The following GRK5 variants were observed in gnomAD, a reference collection of about 807,000 sequenced individuals.
GRK5 encodes G protein-coupled receptor kinase 5, also known as g protein-coupled receptor kinase GRK5.
GRK5 carries 40 observed loss-of-function variants against 78.4 expected under a neutral mutation model. The ratio of observed to expected loss-of-function variants is 0.51; its 90% CI spans 0.40 to 0.66. The LOEUF is 0.66. Ranked by LOEUF, GRK5 falls within the 30% of genes least tolerant of loss-of-function variation. GRK5 has a pLI of 0.00. For missense variants in GRK5, 598 were observed against 759.9 expected (o/e 0.79, Z 2.50); for synonymous variants, 289 against 296.8 (o/e 0.97, Z 0.27).
At chr10:119,428,208 A>G (rs956795426) in intron 6 of GRK5, among the ~76,000 whole-genome samples, 3 of 152,240 alleles carry the variant, frequency 2.0e-5, no homozygotes, top group South Asian at 2.1e-4. Flanking sequence ...GATACAGAGC[A>G]TGGGCTGCCT....
intron 4 of GRK5, among the ~76,000 whole-genome samples, chr10:119,421,537 T>C (rs1472713949): frequency 1.3e-5 from 2 of 152,196 alleles, no homozygotes; most frequent in East Asian, 1.9e-4. Flanking sequence ...TCTGCAAAAG[T>C]TGTGACCCGT....
At chr10:119,282,960 T>C (rs76581632) in intron 1 of GRK5, among the ~76,000 whole-genome samples, 3,889 of 152,316 alleles carry the variant, frequency 0.026, 75 homozygotes, top group Admixed American at 0.055. Flanking sequence ...CTCTAGGCCC[T>C]GAGTTACTGT....
In GRK5 at chr10:119,448,083, A is replaced by G. The variant is rs1433328261; in HGVS notation, c.1267-40A>G. 5 of 1,496,340 alleles carry G rather than the reference A, an allele frequency of 3.3e-6. No homozygotes were observed. In the African/African-American group the frequency reaches 7.3e-5, roughly 22 times the overall value. 92.7% of individuals were successfully genotyped at this position (1,496,340 alleles called of 1,614,324 possible). A position where few individuals can be genotyped will look rare whatever the true frequency, so the allele number is the denominator to read the frequency against. On this transcript the variant is annotated intron_variant, in intron 12 of 15. Transcript: ENST00000392870. Reference sequence around the variant, plus strand: ...AGGCAGGAGGTCCGGACAGGAGGAGAGGCCCAGGGGACGTGGCTTCATGGG... The same window carrying G: ...AGGCAGGAGGTCCGGACAGGAGGAGGGGCCCAGGGGACGTGGCTTCATGGG...
At chr10:119,326,049 A>G (rs1850672108) in intron 1 of GRK5, among the ~76,000 whole-genome samples, 1 of 152,184 alleles carries the variant, frequency 6.6e-6, no homozygotes, top group African/African-American at 2.4e-5. Flanking sequence ...GTCCCCCAAC[A>G]TCTAGCCTCC....
chr10:119,207,741 T>G lies in GRK5; in HGVS notation c.-177T>G. 1 of 589,776 alleles carries G rather than the reference T, an allele frequency of 1.7e-6. No homozygotes were observed. The highest frequency in any genetic ancestry group is 2.8e-6 in the Non-Finnish European group (1 of 353,308). The allele number at this position is 589,776 out of a possible 1,614,324, so 36.5% of individuals were successfully genotyped here. On this transcript the variant is annotated 5_prime_UTR_variant, in exon 1 of 16. Transcript: ENST00000392870. ...CGGCGGCGGCGGCGGCGGCTCCTCT[T>G]TGCAGAGGGGGAAACTCTTGGGCTG... is the stretch of plus-strand genomic sequence containing the variant.
chr10:119,413,901 C>T (rs537279191), intron 4 of GRK5, among the ~76,000 whole-genome samples: 7 of 152,354 alleles, frequency 4.6e-5, no homozygotes, highest in Non-Finnish European at 5.9e-5. Context: ...CCCCTGCCCC[C>T]GCCCAGGCCA....
At chr10:119,290,783 C>T (rs780485006) in intron 1 of GRK5, among the ~76,000 whole-genome samples, 2 of 152,014 alleles carry the variant, frequency 1.3e-5, no homozygotes, top group Non-Finnish European at 2.9e-5. Flanking sequence ...TGTGTGTAGC[C>T]TTCTGCTCAC....
chr10:119,438,639 C>T (rs1250632118), intron 9 of GRK5, among the ~76,000 whole-genome samples: 2 of 152,092 alleles, frequency 1.3e-5, no homozygotes, highest in African/African-American at 2.4e-5. Context: ...CGTCTTCTTC[C>T]GGGGGAAAGA....
intron 2 of GRK5, among the ~76,000 whole-genome samples, chr10:119,352,689 C>A (rs915048097): frequency 7.9e-5 from 12 of 151,632 alleles, no homozygotes; most frequent in Non-Finnish European, 1.8e-4. Context: ...GTCACCTGCC[C>A]AAGGCAGCCC....
chr10:119,416,597 T>A (rs942974529), intron 4 of GRK5, among the ~76,000 whole-genome samples: 90 of 152,044 alleles, frequency 5.9e-4, no homozygotes. Context: ...CTCTTTTTTT[T>A]TTTTTTAATT....
At chr10:119,442,893 G>A (rs1853066085) in intron 11 of GRK5, among the ~76,000 whole-genome samples, 1 of 152,174 alleles carries the variant, frequency 6.6e-6, no homozygotes, top group Non-Finnish European at 1.5e-5. Flanking sequence ...TAGGCGGGTG[G>A]GCGGGTGGAT....
chr10:119,377,501 G>A (rs779610193), intron 2 of GRK5, among the ~76,000 whole-genome samples: 1 of 152,172 alleles, frequency 6.6e-6, no homozygotes, highest in Non-Finnish European at 1.5e-5. Context: ...GATTTGAGGT[G>A]AAGAAAGAAA....
At position 119,392,827 on chromosome 10, in the gene GRK5, G is replaced by C. The variant is rs556478909; in HGVS notation, c.262-3868G>C. ...GATGGAGGTCACGAGGGCACTCTTT[G>C]CATACAGTTTACCTTTCTTTTCATT... is the stretch of plus-strand genomic sequence containing the variant. On this transcript the variant is annotated intron_variant, in intron 3 of 15. Transcript: ENST00000392870. Among the ~76,000 whole-genome samples, 4 of 152,340 alleles carry C rather than the reference G, an allele frequency of 2.6e-5. No individual in the cohort carries two copies. The South Asian group carries it at 8.3e-4, about 32-fold the overall frequency.
At chr10:119,447,024 G>A (rs529702405) in intron 12 of GRK5, among the ~76,000 whole-genome samples, 47 of 152,362 alleles carry the variant, frequency 3.1e-4, no homozygotes, top group Non-Finnish European at 5.4e-4. Context: ...CACCAACTGC[G>A]TACAGCTGCA....
At chr10:119,359,566 G>GGGAC (rs2133807526) in intron 2 of GRK5, among the ~76,000 whole-genome samples, 1 of 152,310 alleles carries the variant, frequency 6.6e-6, no homozygotes, top group African/African-American at 2.4e-5. Context: ...ACCTGCAGAG[G>GGGAC]GGACCACTGC....
At chr10:119,262,496 A>G (rs1381021680) in intron 1 of GRK5, among the ~76,000 whole-genome samples, 2 of 151,250 alleles carry the variant, frequency 1.3e-5, no homozygotes, top group East Asian at 1.9e-4. Flanking sequence ...GCGCCACCAC[A>G]CCCAGCTAAT....
intron 1 of GRK5, among the ~76,000 whole-genome samples, chr10:119,246,811 C>T (rs565978251): frequency 6.6e-6 from 1 of 152,332 alleles, no homozygotes; most frequent in South Asian, 2.1e-4. Context: ...TGAAAACCTT[C>T]ACTGTTTGGT....
At chr10:119,297,716 C>T (rs1156674924) in intron 1 of GRK5, among the ~76,000 whole-genome samples, 1 of 152,212 alleles carries the variant, frequency 6.6e-6, no homozygotes, top group African/African-American at 2.4e-5. Context: ...CTGCCTTCCA[C>T]CACAGAGTGA....
chr10:119,379,389 C>T lies in GRK5; in HGVS notation c.149-1426C>T, dbSNP rs1231244666. ...CTGACACTCACAGCTACCACGAGAT[C>T]CTCCCTCCCGGCAAGCCATAGCTTT... On this transcript the variant is annotated intron_variant, in intron 2 of 15. Transcript: ENST00000392870. This position sits in a 1 kb window ranked among gnomAD's most constrained non-coding sequence, Gnocchi z 4.1. 6.6e-6 allele frequency among the ~76,000 whole-genome samples: 1 copy of T among 152,172 alleles called. No homozygotes were observed. Among genetic ancestry groups the T allele is most frequent in the African/African-American group, 2.4e-5 (1 of 41,430 alleles).
Sources: allele counts gnomAD v4.1 joint callset (sites outside exome capture counted in the v4.1 genomes callset), GRCh38; gene constraint gnomAD v4.1.1; non-coding constraint Gnocchi (gnomAD v3.1); transcripts MANE v1.5; gene names NCBI Gene and HGNC (gene_info 2026-07-23, HGNC 2026-07-21).